ARHGEF10: variants seen among roughly 807,000 people sequenced by gnomAD.
ARHGEF10 encodes Rho guanine nucleotide exchange factor (GEF) 10.
A neutral mutation model predicts 147.4 loss-of-function variants in ARHGEF10; 140 were observed. That is an observed-to-expected ratio of 0.95 (90% confidence interval 0.83 to 1.09). ARHGEF10 has a LOEUF of 1.09. Ranked by LOEUF, ARHGEF10 falls within the 50% of genes least tolerant of loss-of-function variation. The pLI, the probability that ARHGEF10 is intolerant of heterozygous loss-of-function variation, is 0.00. For synonymous variants in ARHGEF10, 902 were observed against 695.8 expected, an observed-to-expected ratio of 1.30 and a Z score of -4.67; for missense variants, 2,222 against 1,752.7, an observed-to-expected ratio of 1.27 and a Z score of -4.78.
chr8:1,850,808 C>T (rs1378311842), intron 2 of ARHGEF10, among the ~76,000 whole-genome samples: 1 of 152,096 alleles, frequency 6.6e-6, no homozygotes, highest in Non-Finnish European at 1.5e-5. Context: ...TGATGTCCTT[C>T]AGGAGGTGAA....
intron 28 of ARHGEF10, among the ~76,000 whole-genome samples, chr8:1,953,397 A>G (rs529030380): frequency 8.6e-5 from 13 of 151,752 alleles, no homozygotes; most frequent in African/African-American, 2.4e-4. Context: ...TGTATTTTAT[A>G]TTGTGAAGAA....
At chr8:1,842,023 CTGGGG>C (rs1804122865) in intron 1 of ARHGEF10, among the ~76,000 whole-genome samples, 6 of 107,594 alleles carry the variant, frequency 5.6e-5, no homozygotes, top group African/African-American at 1.7e-4. Flanking sequence ...GCGGCGGGAA[CTGGGG>C]CCGCGGCGGG....
chr8:1,833,624 T>C (rs1803404937), intron 1 of ARHGEF10, among the ~76,000 whole-genome samples: 2 of 152,202 alleles, frequency 1.3e-5, no homozygotes, highest in Admixed American at 6.5e-5. Context: ...CTCTGGTCTC[T>C]TCCCAGCCCT....
intron 13 of ARHGEF10, among the ~76,000 whole-genome samples, chr8:1,894,948 A>G (rs1033205530): frequency 1.3e-5 from 2 of 152,236 alleles, no homozygotes; most frequent in Non-Finnish European, 2.9e-5. Context: ...GCCCTCACAC[A>G]GGTTCTCTTC....
chr8:1,837,254 C>T (rs1563154881), intron 1 of ARHGEF10, among the ~76,000 whole-genome samples: 1 of 150,970 alleles, frequency 6.6e-6, no homozygotes, highest in Middle Eastern at 3.4e-3. Context: ...TGTGCGGAGC[C>T]GCAGGACGGT....
intron 1 of ARHGEF10, among the ~76,000 whole-genome samples, chr8:1,830,279 C>CGTGGGGCCCAGGCGGCTCATTTCCT (rs1803015037): frequency 6.6e-6 from 1 of 152,136 alleles, no homozygotes; most frequent in African/African-American, 2.4e-5. Flanking sequence ...GCTCATTTCC[C>CGTGGGGCCCAGGCGGCTCATTTCCT]GTGGGGCCCA....
intron 1 of ARHGEF10, among the ~76,000 whole-genome samples, chr8:1,841,231 G>T (rs184654845): frequency 6.6e-6 from 1 of 150,416 alleles, no homozygotes; most frequent in African/African-American, 2.5e-5. Context: ...GAGTTGCGCT[G>T]GCGAGGTGGA....
Position 1,957,414 on chromosome 8 carries a change from G to A in ARHGEF10, c.*151G>A. The stretch of plus-strand genomic sequence containing the variant: ...AGAAACGTGCAATAGCGTAATGGTG[G>A]TGTCCCTGCCAATTCCTTCCTTCTC... On this transcript the variant is annotated 3_prime_UTR_variant, in exon 29 of 29. Transcript: ENST00000349830. 9.0e-7 allele frequency: 1 copy of A among 1,110,700 alleles called. No individual in the cohort carries two copies. Among genetic ancestry groups the A allele is most frequent in the Non-Finnish European group, 1.3e-6 (1 of 781,390 alleles). The allele number at this position is 1,110,700 out of a possible 1,614,324, so 68.8% of individuals were successfully genotyped here. A position where few individuals can be genotyped will look rare whatever the true frequency, so the allele number is the denominator to read the frequency against.
rs1313788674 is a variant in ARHGEF10 at position 1,952,667 on chromosome 8, C to A, written c.3398-38C>A. On this transcript the variant is annotated intron_variant, in intron 27 of 28. Transcript: ENST00000349830. ...TCACCGCCCCACCAACTCTGCTACA[C>A]AAACCAGACCCGAAGCCACTCATGT... is the stretch of plus-strand genomic sequence containing the variant. The A allele has an allele frequency of 1.9e-6, 3 of 1,612,056 alleles. No homozygotes were observed. In the South Asian group the frequency reaches 3.3e-5, roughly 18 times the overall value.
chr8:1,878,479 C>A (rs1302628479), intron 8 of ARHGEF10, among the ~76,000 whole-genome samples: 1 of 152,226 alleles, frequency 6.6e-6, no homozygotes, highest in Non-Finnish European at 1.5e-5. Context: ...GCCACTGCAC[C>A]CGGCCTGCAA....
At chr8:1,919,492 C>T (rs565265058) in intron 18 of ARHGEF10, among the ~76,000 whole-genome samples, 1 of 145,288 alleles carries the variant, frequency 6.9e-6, no homozygotes, top group African/African-American at 2.6e-5. Flanking sequence ...AGTGATGGAG[C>T]TGTTCCGTGG....
rs368606134 is a variant in ARHGEF10 at position 1,956,947 on chromosome 8, C to A, written c.3719C>A (p.Ala1240Asp). 4 of 1,614,176 alleles carry A rather than the reference C, an allele frequency of 2.5e-6. No individual in the cohort carries two copies. Among genetic ancestry groups the A allele is most frequent in the Non-Finnish European group, 3.4e-6 (4 of 1,180,028 alleles). Residue 1240 changes from alanine to aspartate, a missense_variant, in exon 29 of 29, where the codon GCC (alanine) becomes GAC (aspartate). Transcript: ENST00000349830. ...SSLSQGDPDA[A>D]IWLGDSLGSM... ...CTGAGCCAGGGTGACCCTGACGCAG[C>A]CATCTGGTTGGGAGATTCGCTGGGA...
At chr8:1,843,472 T>C (rs11136432) in intron 2 of ARHGEF10, 36 bp downstream of exon 2, 3 of 1,538,968 alleles carry the variant, frequency 1.9e-6, no homozygotes, top group Admixed American at 1.7e-5. Context: ...GTGGGTCAGG[T>C]TGTGCTGCTG....
intron 4 of ARHGEF10, among the ~76,000 whole-genome samples, chr8:1,860,565 GA>G (rs1351321391): frequency 3.9e-5 from 6 of 152,174 alleles, no homozygotes; most frequent in African/African-American, 1.4e-4. Flanking sequence ...TACAGAGTTG[GA>G]AAATGAGCCC....
At chr8:1,952,935 T>A (rs1815176316) in intron 28 of ARHGEF10, 108 bp downstream of exon 28, 5 of 1,464,660 alleles carry the variant, frequency 3.4e-6, no homozygotes, top group Non-Finnish European at 4.7e-6. Flanking sequence ...ACAATTCATA[T>A]TATCTGTGGT....
intron 28 of ARHGEF10, among the ~76,000 whole-genome samples, chr8:1,955,340 A>T (rs78375643): frequency 5.5e-4 from 20 of 36,222 alleles, no homozygotes; most frequent in South Asian, 1.2e-3. Flanking sequence ...AGGTGCACTC[A>T]CTGTGTTTCT....
intron 9 of ARHGEF10, among the ~76,000 whole-genome samples, chr8:1,880,461 A>G (rs1219371442): frequency 6.6e-6 from 1 of 152,228 alleles, no homozygotes; most frequent in Non-Finnish European, 1.5e-5. Context: ...GCACAATGCC[A>G]CTTTCTGTTT....
At chr8:1,880,261 C>T in intron 9 of ARHGEF10, 97 bp downstream of exon 9, 2 of 857,790 alleles carry the variant, frequency 2.3e-6, no homozygotes, top group East Asian at 2.5e-5. Flanking sequence ...AACAGCGGTT[C>T]TCAAAGGGTG....
chr8:1,826,135 A>C, intron 1 of ARHGEF10: 11 of 1,593,592 alleles, frequency 6.9e-6, no homozygotes, highest in Non-Finnish European at 9.3e-6. Context: ...ATTTCTCAGC[A>C]GTAAGAAAAG....
Sources: allele counts gnomAD v4.1 joint callset (sites outside exome capture counted in the v4.1 genomes callset), GRCh38; gene constraint gnomAD v4.1.1; transcripts MANE v1.5; gene names NCBI Gene and HGNC (gene_info 2026-07-23, HGNC 2026-07-21).